SLC14A2: variants seen among roughly 807,000 people sequenced by gnomAD.
SLC14A2 encodes the protein solute carrier family 14 member 2.
A neutral mutation model predicts 104.6 loss-of-function variants in SLC14A2; 91 were observed. The observed-to-expected ratio is 0.87, with a 90% CI of 0.73 to 1.04. SLC14A2 has a LOEUF of 1.04. SLC14A2 is among the 50% of genes least tolerant of loss of function. The probability of loss-of-function intolerance (pLI) is 0.00; values close to 1 mark genes in which losing one functional copy is unlikely to be tolerated. For synonymous variants in SLC14A2, 476 were observed against 466.4 expected (o/e 1.02, Z -0.27); for missense variants, 1,189 against 1,156.0 (o/e 1.03, Z -0.41).
At chr18:45,260,602 A>C (rs906339331) in intron 1 of SLC14A2, among the ~76,000 whole-genome samples, 1 of 152,214 alleles carries the variant, frequency 6.6e-6, no homozygotes, top group Non-Finnish European at 1.5e-5. Context: ...AATAAGGTAC[A>C]TATATACAAT....
At chr18:45,586,980 CTTCT>C (rs1289440961) in intron 2 of SLC14A2, among the ~76,000 whole-genome samples, 4 of 151,802 alleles carry the variant, frequency 2.6e-5, no homozygotes, top group Non-Finnish European at 4.4e-5. Flanking sequence ...AAAGTTTATT[CTTCT>C]TTATTTTAAA....
intron 2 of SLC14A2, among the ~76,000 whole-genome samples, chr18:45,625,243 T>C (rs943370991): frequency 1.3e-5 from 2 of 152,178 alleles, no homozygotes; most frequent in African/African-American, 4.8e-5. Flanking sequence ...TGACTTGCGA[T>C]GAGGAGGTCC....
At chr18:45,369,396 C>A (rs947838912) in intron 1 of SLC14A2, among the ~76,000 whole-genome samples, 1 of 152,096 alleles carries the variant, frequency 6.6e-6, no homozygotes, top group Non-Finnish European at 1.5e-5. Context: ...ATGCCCACCC[C>A]AGGTACATCT....
intron 1 of SLC14A2, among the ~76,000 whole-genome samples, chr18:45,458,124 C>T (rs1236726151): frequency 2.0e-5 from 3 of 152,232 alleles, no homozygotes; most frequent in East Asian, 1.9e-4. Context: ...GGGAGATAGA[C>T]AGAGAAGAAA....
At chr18:45,177,909 C>G in the SLC14A2 span, among the ~76,000 whole-genome samples, 85 of 152,234 alleles carry the variant, frequency 5.6e-4, no homozygotes, top group African/African-American at 2.0e-3. Context: ...GACACTGGTA[C>G]CATGATATCC....
At chr18:45,659,303 T>C (rs1360049347) in intron 10 of SLC14A2, among the ~76,000 whole-genome samples, 1 of 152,246 alleles carries the variant, frequency 6.6e-6, no homozygotes, top group Non-Finnish European at 1.5e-5. Flanking sequence ...TGCCATGATA[T>C]TGGAGGTGAG....
chr18:45,540,492 C>G (rs2043869114), intron 2 of SLC14A2, among the ~76,000 whole-genome samples: 1 of 152,126 alleles, frequency 6.6e-6, no homozygotes, highest in African/African-American at 2.4e-5. Flanking sequence ...CCTGTAATCC[C>G]AGCACTTTGG....
At chr18:45,209,634 G>T (rs1241802746), upstream of SLC14A2, among the ~76,000 whole-genome samples, 4 of 151,744 alleles carry the variant, frequency 2.6e-5, no homozygotes, top group Non-Finnish European at 2.9e-5. Flanking sequence ...CAGAAACCTA[G>T]GTTTCAAGTT....
intron 10 of SLC14A2, among the ~76,000 whole-genome samples, chr18:45,662,922 A>G (rs937842426): frequency 6.6e-6 from 1 of 152,178 alleles, no homozygotes; most frequent in African/African-American, 2.4e-5. Context: ...CACTTTAACA[A>G]GACACCAAGA....
chr18:45,536,631 C>T (rs940068829), intron 2 of SLC14A2, among the ~76,000 whole-genome samples: 1 of 152,126 alleles, frequency 6.6e-6, no homozygotes, highest in Admixed American at 6.5e-5. Flanking sequence ...ATGACGTCCA[C>T]AACAATCCAT....
At chr18:45,280,797 T>C (rs573730589) in intron 1 of SLC14A2, among the ~76,000 whole-genome samples, 1 of 152,264 alleles carries the variant, frequency 6.6e-6, no homozygotes, top group South Asian at 2.1e-4. Flanking sequence ...CCCCTGCCTT[T>C]TCCTCTTGAA....
chr18:45,221,346 G>A (rs769810328), intron 1 of SLC14A2, among the ~76,000 whole-genome samples: 1 of 152,170 alleles, frequency 6.6e-6, no homozygotes, highest in Non-Finnish European at 1.5e-5. Flanking sequence ...AAAAAGAAGT[G>A]CCCTCCTCCC....
intron 1 of SLC14A2, among the ~76,000 whole-genome samples, chr18:45,623,077 T>C (rs1212216822): frequency 1.3e-5 from 2 of 151,792 alleles, no homozygotes; most frequent in African/African-American, 4.8e-5. Context: ...TAAGGGGCCA[T>C]GAAGTTAAGT....
chr18:45,326,000 G>C (rs1037667750), intron 1 of SLC14A2, among the ~76,000 whole-genome samples: 35 of 152,178 alleles, frequency 2.3e-4, no homozygotes, highest in African/African-American at 8.2e-4. Flanking sequence ...CATTCAGGCT[G>C]ATCATTCAAG....
chr18:45,283,294 C>T lies in SLC14A2; in HGVS notation c.-125+70103C>T, dbSNP rs185958073. 1.1e-4 allele frequency among the ~76,000 whole-genome samples: 15 copies of T among 142,562 alleles called. No homozygotes were observed. The East Asian group carries it at 3.0e-3, about 28-fold the overall frequency. The allele number at this position is 142,562 out of a possible 152,430, so 93.5% of individuals were successfully genotyped here. On this transcript the variant is annotated intron_variant, in intron 1 of 20. Transcript: ENST00000586448. ...TAATATATCATCATCCAACATCAAC[C>T]AAAAAAATGCTGCAGTCACTAGCAC...
At chr18:45,351,359 T>C (rs576778880) in intron 1 of SLC14A2, among the ~76,000 whole-genome samples, 6 of 152,174 alleles carry the variant, frequency 3.9e-5, no homozygotes, top group East Asian at 1.9e-4. Context: ...CCGTTTTTTG[T>C]TTGTTTGTTT....
At chr18:45,402,092 A>C (rs139852552) in intron 1 of SLC14A2, among the ~76,000 whole-genome samples, 1 of 152,286 alleles carries the variant, frequency 6.6e-6, no homozygotes, top group African/African-American at 2.4e-5. Flanking sequence ...AGAAGTGATG[A>C]TACGGGTACT....
chr18:45,364,282 C>T (rs796699868), intron 1 of SLC14A2, among the ~76,000 whole-genome samples: 2 of 152,284 alleles, frequency 1.3e-5, no homozygotes, highest in East Asian at 3.9e-4. Flanking sequence ...AATTAATAAG[C>T]ATTATTTGAA....
intron 2 of SLC14A2, among the ~76,000 whole-genome samples, chr18:45,538,455 G>A (rs913168246): frequency 7.9e-5 from 12 of 152,112 alleles, no homozygotes; most frequent in African/African-American, 2.4e-4. Flanking sequence ...GGCTCGACTG[G>A]GACTGGAGAA....
Sources: allele counts gnomAD v4.1 joint callset (sites outside exome capture counted in the v4.1 genomes callset), GRCh38; gene constraint gnomAD v4.1.1; transcripts MANE v1.5; gene names NCBI Gene and HGNC (gene_info 2026-07-23, HGNC 2026-07-21).